Variants in SRD5A2 observed in about 807,000 individuals in gnomAD.
SRD5A2 encodes the protein steroid 5 alpha-reductase 2, also known as 3-oxo-5-alpha-steroid 4-dehydrogenase 2.
Under a neutral mutation model 27.4 loss-of-function variants are expected in SRD5A2, and 30 were observed. The observed-to-expected ratio is 1.10, with a 90% CI of 0.82 to 1.49. SRD5A2 has a LOEUF of 1.49. Ranked by LOEUF, SRD5A2 falls within the 40% of genes most tolerant of loss-of-function variation. The pLI is 0.00. For missense variants in SRD5A2, 348 were observed against 323.4 expected (o/e 1.08, Z -0.58); for synonymous variants, 141 against 133.6 (o/e 1.06, Z -0.38).
chr2:31,584,916 G>A (rs1253386168), upstream of SRD5A2, among the ~76,000 whole-genome samples: 1 of 152,260 alleles, frequency 6.6e-6, no homozygotes, highest in Non-Finnish European at 1.5e-5. Context: ...TGCAGAAGGA[G>A]TCTTGAAGCA....
the SRD5A2 span, among the ~76,000 whole-genome samples, chr2:31,607,037 T>C: frequency 9.2e-5 from 14 of 151,920 alleles, no homozygotes; most frequent in African/African-American, 3.4e-4. Context: ...ACCAAAATAA[T>C]TTTTGAAATA....
the SRD5A2 span, among the ~76,000 whole-genome samples, chr2:31,658,623 A>AT: frequency 1.3e-5 from 2 of 152,116 alleles, no homozygotes; most frequent in Non-Finnish European, 2.9e-5. Context: ...AACCTAGAAG[A>AT]AATGGATAAA....
Position 31,539,268 on chromosome 2 carries a change from T to C in SRD5A2, c.282-5502A>G, listed in dbSNP as rs144908339. Among the ~76,000 whole-genome samples the C allele has an allele frequency of 5.1e-3, 784 of 152,322 alleles. 7 individuals are homozygous for C. Among genetic ancestry groups the C allele is most frequent in the African/African-American group, 0.018 (728 of 41,568 alleles). On this transcript the variant is annotated intron_variant, in intron 1 of 4. Coordinates refer to ENST00000622030, the MANE Select transcript of SRD5A2 (RefSeq NM_000348.4). ...CTCATATATTCCAGATTTAGAGCCA[T>C]TGAAGTTGGCAACCATAAAATGGAA...
the SRD5A2 span, among the ~76,000 whole-genome samples, chr2:31,588,924 T>G: frequency 6.6e-6 from 1 of 152,130 alleles, no homozygotes; most frequent in African/African-American, 2.4e-5. Context: ...AGACTCACAC[T>G]GTGAGCTTTT....
chr2:31,620,796 C>CATAATTTAT, the SRD5A2 span, among the ~76,000 whole-genome samples: 2 of 149,660 alleles, frequency 1.3e-5, no homozygotes, highest in Non-Finnish European at 3.0e-5. Context: ...ATTTTACATG[C>CATAATTTAT]ATATTTTATA....
intron 1 of SRD5A2, among the ~76,000 whole-genome samples, chr2:31,551,041 A>C (rs1415276918): frequency 1.3e-5 from 2 of 152,086 alleles, no homozygotes; most frequent in East Asian, 3.8e-4. Context: ...AAAATACACA[A>C]TTAAATTTCT....
At chr2:31,651,153 A>G in the SRD5A2 span, among the ~76,000 whole-genome samples, 1 of 152,156 alleles carries the variant, frequency 6.6e-6, no homozygotes, top group Non-Finnish European at 1.5e-5. Flanking sequence ...GGTATATCCC[A>G]CCCATCCCTG....
chr2:31,586,243 G>C, the SRD5A2 span, among the ~76,000 whole-genome samples: 1 of 151,972 alleles, frequency 6.6e-6, no homozygotes, highest in African/African-American at 2.4e-5. Context: ...TAATGCAATA[G>C]AATGCCAGGT....
At chr2:31,588,289 C>CA in the SRD5A2 span, among the ~76,000 whole-genome samples, 1 of 138,512 alleles carries the variant, frequency 7.2e-6, no homozygotes, top group Non-Finnish European at 1.5e-5. Flanking sequence ...TAAGCAGATT[C>CA]AACCCAAAAG....
chr2:31,620,225 C>A, the SRD5A2 span, among the ~76,000 whole-genome samples: 1 of 152,018 alleles, frequency 6.6e-6, no homozygotes. Flanking sequence ...CCACAGAGAA[C>A]ATCACACTGA....
chr2:31,529,307 C>T lies in SRD5A2; in HGVS notation c.698G>A (p.Arg233Lys). 6.2e-7 allele frequency: 1 copy of T among 1,613,602 alleles called. No individual in the cohort carries two copies. Among genetic ancestry groups the T allele is most frequent in the Non-Finnish European group, 8.5e-7 (1 of 1,179,742 alleles). The change falls in exon 4 of 5, where the codon AGG becomes AAG. Residue 233 changes from arginine to lysine, a missense_variant and splice_region_variant. Transcript: ENST00000622030. Reference protein sequence around the residue: ...FLGLRAFHHHRFYLKMFEDYP... With the variant: ...FLGLRAFHHHKFYLKMFEDYP... ...CTGCCGCTTTTATTGAAAAATTTAC[C>T]TATGGTGGTGAAAAGCTCGCAGCCC...
chr2:31,654,578 T>C, the SRD5A2 span, among the ~76,000 whole-genome samples: 1 of 152,076 alleles, frequency 6.6e-6, no homozygotes, highest in Non-Finnish European at 1.5e-5. Flanking sequence ...TCCCCATCTT[T>C]TTACAGCAGT....
At chr2:31,590,824 T>C in the SRD5A2 span, among the ~76,000 whole-genome samples, 1 of 152,146 alleles carries the variant, frequency 6.6e-6, no homozygotes, top group African/African-American at 2.4e-5. Context: ...AAACAGGAAA[T>C]GGGGAAAGGA....
At chr2:31,627,952 G>T in the SRD5A2 span, among the ~76,000 whole-genome samples, 1 of 152,076 alleles carries the variant, frequency 6.6e-6, no homozygotes, top group African/African-American at 2.4e-5. Context: ...ATATTCTGTT[G>T]TTTGGGGGTG....
chr2:31,636,208 T>C, the SRD5A2 span, among the ~76,000 whole-genome samples: 1 of 152,094 alleles, frequency 6.6e-6, no homozygotes, highest in Non-Finnish European at 1.5e-5. Flanking sequence ...TTTTTCTATT[T>C]CTTTCATCAG....
chr2:31,563,994 C>T (rs892091270), intron 1 of SRD5A2, among the ~76,000 whole-genome samples: 1 of 151,950 alleles, frequency 6.6e-6, no homozygotes, highest in African/African-American at 2.4e-5. Context: ...TATAGAAACA[C>T]AAAAATATCC....
intron 1 of SRD5A2, among the ~76,000 whole-genome samples, chr2:31,570,023 T>C (rs1666820000): frequency 6.6e-6 from 1 of 152,170 alleles, no homozygotes; most frequent in Admixed American, 6.6e-5. Flanking sequence ...CCCCAACTCA[T>C]TCTATGAGGC....
the SRD5A2 span, among the ~76,000 whole-genome samples, chr2:31,594,313 T>G: frequency 6.6e-6 from 1 of 152,034 alleles, no homozygotes; most frequent in Non-Finnish European, 1.5e-5. Context: ...AGACTCACCA[T>G]ACACATAAAG....
intron 1 of SRD5A2, among the ~76,000 whole-genome samples, chr2:31,537,361 C>A (rs1666047694): frequency 6.6e-6 from 1 of 152,166 alleles, no homozygotes; most frequent in Non-Finnish European, 1.5e-5. Flanking sequence ...GTCTTCTCCT[C>A]CACTTCTTTC....
Sources: allele counts gnomAD v4.1 joint callset (sites outside exome capture counted in the v4.1 genomes callset), GRCh38; gene constraint gnomAD v4.1.1; transcripts MANE v1.5; gene names NCBI Gene and HGNC (gene_info 2026-07-23, HGNC 2026-07-21).